The following RALGPS1 variants were observed in gnomAD, a reference collection of about 807,000 sequenced individuals.
The protein encoded by RALGPS1 is ras-specific guanine nucleotide-releasing factor RalGPS1.
RALGPS1 carries 19 observed loss-of-function variants against 78.8 expected under a neutral mutation model. The ratio of observed to expected loss-of-function variants is 0.24; its 90% CI spans 0.17 to 0.35. The LOEUF (loss-of-function observed/expected upper bound fraction) is 0.35. RALGPS1 is among the 10% of genes least tolerant of loss of function. RALGPS1 has a pLI of 1.00. For missense variants in RALGPS1, 454 were observed against 688.3 expected (o/e 0.66, Z 3.81); for synonymous variants, 228 against 256.3 (o/e 0.89, Z 1.06).
At chr9:127,005,729 A>C (rs896920866) in intron 4 of RALGPS1, among the ~76,000 whole-genome samples, 2 of 152,198 alleles carry the variant, frequency 1.3e-5, no homozygotes, top group African/African-American at 4.8e-5. Flanking sequence ...AAAACAGAGA[A>C]AGAGGAATTC....
In RALGPS1 at chr9:127,223,083, T is replaced by C. The variant is rs751770548; in HGVS notation, c.*4314T>C. On this transcript the variant is annotated 3_prime_UTR_variant, in exon 19 of 19. Transcript: ENST00000259351. ...TTGCTGTATTTTTCAGCTTGTTACA[T>C]TGATAATAATTATTTCACTAATTAA... The C allele has an allele frequency of 1.1e-4, 17 of 152,708 alleles. No homozygotes were observed. Among genetic ancestry groups the C allele is most frequent in the Non-Finnish European group, 2.4e-4 (16 of 68,044 alleles). The allele number at this position is 152,708 out of a possible 1,614,324, so 9.5% of individuals were successfully genotyped here.
intron 1 of RALGPS1, among the ~76,000 whole-genome samples, chr9:126,950,282 C>G (rs1185162945): frequency 6.6e-6 from 1 of 151,926 alleles, no homozygotes; most frequent in Non-Finnish European, 1.5e-5. Flanking sequence ...GCTTAGGATT[C>G]ACTTGGCGAT....
chr9:127,096,446 C>G (rs988629253), intron 8 of RALGPS1, among the ~76,000 whole-genome samples: 8 of 152,168 alleles, frequency 5.3e-5, no homozygotes, highest in Middle Eastern at 3.2e-3. Flanking sequence ...CCTCTTACTG[C>G]ACAGCTGCCA....
chr9:127,023,103 T>C (rs2045622646), intron 4 of RALGPS1, among the ~76,000 whole-genome samples: 1 of 151,734 alleles, frequency 6.6e-6, no homozygotes, highest in South Asian at 2.1e-4. Context: ...TCAAACACCA[T>C]CATCATCATC....
chr9:127,090,107 A>G (rs2052287342), intron 8 of RALGPS1, among the ~76,000 whole-genome samples: 1 of 152,178 alleles, frequency 6.6e-6, no homozygotes. Flanking sequence ...CCATGATTCC[A>G]GGCCACAGGG....
chr9:127,177,757 C>G, intron 11 of RALGPS1: 1 of 1,464,194 alleles, frequency 6.8e-7, no homozygotes, highest in South Asian at 1.2e-5. Context: ...GGAGGCACTG[C>G]ATTTCCTGGC....
At chr9:126,939,922 G>A (rs897980417) in intron 1 of RALGPS1, among the ~76,000 whole-genome samples, 3 of 152,226 alleles carry the variant, frequency 2.0e-5, no homozygotes, top group South Asian at 2.1e-4. Flanking sequence ...AGTCCTCTGC[G>A]ATCAAAGTCA....
At chr9:127,131,015 C>T (rs866146686) in intron 8 of RALGPS1, among the ~76,000 whole-genome samples, 1 of 152,242 alleles carries the variant, frequency 6.6e-6, no homozygotes, top group African/African-American at 2.4e-5. Context: ...CACAGACCCA[C>T]ACATGCATAT....
At chr9:127,204,660 C>T (rs552155948) in intron 14 of RALGPS1, among the ~76,000 whole-genome samples, 23 of 152,246 alleles carry the variant, frequency 1.5e-4, no homozygotes, top group Non-Finnish European at 1.0e-4. Flanking sequence ...CCTCAGAGTG[C>T]TGTGGGGTGG....
At chr9:126,966,550 C>CAACA (rs1353790288) in intron 3 of RALGPS1, among the ~76,000 whole-genome samples, 2 of 136,014 alleles carry the variant, frequency 1.5e-5, no homozygotes, top group Admixed American at 1.5e-4. Context: ...AAAGCATGTA[C>CAACA]AACACACATA....
intron 8 of RALGPS1, chr9:127,108,390 G>A (rs201208688): frequency 1.3e-5 from 21 of 1,608,778 alleles, no homozygotes; most frequent in South Asian, 1.1e-4. Context: ...TCACAATGCC[G>A]CCGTCCACCT....
chr9:127,081,075 A>G (rs1031107262), intron 8 of RALGPS1, among the ~76,000 whole-genome samples: 12 of 152,232 alleles, frequency 7.9e-5, no homozygotes, highest in Admixed American at 3.3e-4. Context: ...ACTCTTTGCA[A>G]CTTTACAGTG....
At chr9:126,926,815 T>C (rs181482642) in intron 1 of RALGPS1, among the ~76,000 whole-genome samples, 7 of 151,950 alleles carry the variant, frequency 4.6e-5, no homozygotes, top group South Asian at 4.2e-4. Context: ...GAAGGCAGGT[T>C]CAAAAGAAAC....
intron 1 of RALGPS1, among the ~76,000 whole-genome samples, chr9:126,945,760 G>T (rs143357383): frequency 1.3e-3 from 193 of 152,310 alleles, no homozygotes; most frequent in African/African-American, 4.1e-3. Context: ...AAGTGGTTCT[G>T]CAGTACCTTA....
At chr9:127,115,696 A>G (rs2055337562) in intron 8 of RALGPS1, among the ~76,000 whole-genome samples, 6 of 152,238 alleles carry the variant, frequency 3.9e-5, no homozygotes, top group Admixed American at 3.9e-4. Context: ...TGCAGCTTGC[A>G]TGTTACTCAC....
intron 8 of RALGPS1, among the ~76,000 whole-genome samples, chr9:127,070,865 A>G (rs1420931686): frequency 6.6e-6 from 1 of 151,744 alleles, no homozygotes; most frequent in East Asian, 1.9e-4. Flanking sequence ...CTTTCTTTTA[A>G]TTAAAAATTA....
At chr9:126,942,976 G>A (rs779480946) in intron 1 of RALGPS1, among the ~76,000 whole-genome samples, 21 of 151,918 alleles carry the variant, frequency 1.4e-4, no homozygotes, top group Non-Finnish European at 1.6e-4. Context: ...TTTCTAGCTG[G>A]CTATTGTTTG....
intron 1 of RALGPS1, among the ~76,000 whole-genome samples, chr9:126,950,841 C>CAA (rs778490961): frequency 3.7e-4 from 52 of 142,462 alleles, no homozygotes; most frequent in East Asian, 2.4e-3. Context: ...GAAATAGAGA[C>CAA]AAAAAAAAAA....
chr9:127,042,721 G>T (rs1214575023), intron 5 of RALGPS1, among the ~76,000 whole-genome samples: 1 of 152,140 alleles, frequency 6.6e-6, no homozygotes, highest in Non-Finnish European at 1.5e-5. Flanking sequence ...TGGAAAGGAA[G>T]AAGTAAAACA....
Sources: gnomAD v4.1 joint callset for allele counts (sites outside exome capture counted in the v4.1 genomes callset) on GRCh38, gnomAD v4.1.1 for gene constraint, MANE v1.5 for transcripts, NCBI Gene and HGNC (gene_info 2026-07-23, HGNC 2026-07-21) for gene names.